The following RARB variants were observed in gnomAD, a reference collection of about 807,000 sequenced individuals.
RARB encodes retinoic acid receptor beta.
RARB carries 17 observed loss-of-function variants against 51.9 expected under a neutral mutation model. That is an observed-to-expected ratio of 0.33 (90% CI 0.22 to 0.49). The LOEUF is 0.49. Ranked by LOEUF, RARB falls within the 20% of genes least tolerant of loss-of-function variation. The probability of loss-of-function intolerance (pLI) is 0.99; values close to 1 mark genes in which losing one functional copy is unlikely to be tolerated. For synonymous variants in RARB, 215 were observed against 195.4 expected, an observed-to-expected ratio of 1.10 and a Z score of -0.84; for missense variants, 369 against 550.8, an observed-to-expected ratio of 0.67 and a Z score of 3.30.
At chr3:25,505,126 C>T (rs1447504326) in intron 3 of RARB, among the ~76,000 whole-genome samples, 1 of 152,072 alleles carries the variant, frequency 6.6e-6, no homozygotes, top group Non-Finnish European at 1.5e-5. Flanking sequence ...TCATAACAAC[C>T]CTATGAGATA....
At chr3:25,134,945 T>G (rs530916398) in intron 4 of RARB, among the ~76,000 whole-genome samples, 5 of 152,002 alleles carry the variant, frequency 3.3e-5, no homozygotes, top group African/African-American at 1.2e-4. Context: ...GTTACTAATA[T>G]ATGAAGATTA....
intron 1 of RARB, among the ~76,000 whole-genome samples, chr3:24,849,307 G>A (rs1347133286): frequency 6.6e-6 from 1 of 152,202 alleles, no homozygotes; most frequent in Admixed American, 6.5e-5. Flanking sequence ...GAGGGAAACT[G>A]CAGATAAGGG....
chr3:25,071,925 T>G (rs1258061887), intron 3 of RARB, among the ~76,000 whole-genome samples: 5 of 152,226 alleles, frequency 3.3e-5, no homozygotes, highest in Non-Finnish European at 1.5e-5. Flanking sequence ...AATGTGATAT[T>G]TAAATGCTTT....
intron 2 of RARB, among the ~76,000 whole-genome samples, chr3:24,880,130 G>T (rs1703130259): frequency 6.6e-6 from 1 of 151,904 alleles, no homozygotes; most frequent in Admixed American, 6.5e-5. Flanking sequence ...AAGCATTTTA[G>T]AATTTTTAGT....
chr3:25,117,156 C>T (rs140864065), intron 3 of RARB, among the ~76,000 whole-genome samples: 1 of 152,116 alleles, frequency 6.6e-6, no homozygotes, highest in Non-Finnish European at 1.5e-5. Flanking sequence ...ATAAACAGGG[C>T]AGATAGAGCC....
chr3:24,865,324 A>G (rs1702826251), intron 2 of RARB, among the ~76,000 whole-genome samples: 1 of 152,162 alleles, frequency 6.6e-6, no homozygotes, highest in African/African-American at 2.4e-5. Flanking sequence ...GCTGAAAAAA[A>G]TATACATGTA....
intron 5 of RARB, among the ~76,000 whole-genome samples, chr3:25,343,545 GA>G (rs1237227084): frequency 1.4e-5 from 2 of 147,252 alleles, no homozygotes; most frequent in East Asian, 2.0e-4. Context: ...CTTTTTTCCA[GA>G]AAAAAAAATT....
At chr3:25,288,013 TA>T (rs1023827147) in intron 5 of RARB, among the ~76,000 whole-genome samples, 6 of 152,116 alleles carry the variant, frequency 3.9e-5, no homozygotes, top group Admixed American at 3.3e-4. Flanking sequence ...GGTAGATTTT[TA>T]AAAATAAAGT....
Position 25,346,380 on chromosome 3 carries a change from C to G in RARB, c.179-114813C>G, listed in dbSNP as rs185086302. 1.8e-3 allele frequency among the ~76,000 whole-genome samples: 280 copies of G among 152,230 alleles called. 1 individual carries two copies. Among genetic ancestry groups the G allele is most frequent in the African/African-American group, 6.2e-3 (258 of 41,538 alleles). On this transcript the variant is annotated intron_variant, in intron 5 of 11. Transcript: ENST00000383772. ...TTGTGTCTTTTATAGTCATCAGCCCCAAATGCTTTCAGGAAGGAACTACAG... is the reference window on the plus strand; with the variant it reads ...TTGTGTCTTTTATAGTCATCAGCCCGAAATGCTTTCAGGAAGGAACTACAG...
intron 5 of RARB, among the ~76,000 whole-genome samples, chr3:25,219,970 A>G (rs1250428213): frequency 1.3e-5 from 2 of 152,218 alleles, no homozygotes; most frequent in East Asian, 3.8e-4. Flanking sequence ...GTAGAGTAAA[A>G]CACTTGAGAA....
intron 2 of RARB, among the ~76,000 whole-genome samples, chr3:25,021,942 G>A (rs542071550): frequency 4.7e-4 from 71 of 152,100 alleles, no homozygotes; most frequent in African/African-American, 1.7e-3. Context: ...ACTGAGTTAG[G>A]CACCAAGTAG....
At chr3:25,572,736 T>C (rs1286737) in intron 4 of RARB, among the ~76,000 whole-genome samples, 20,953 of 152,160 alleles carry the variant, frequency 0.14, 1,634 homozygotes, top group Non-Finnish European at 0.18. Flanking sequence ...GAGGAGACTT[T>C]TGATCCAGGT....
At chr3:25,521,241 G>A (rs759203810) in intron 3 of RARB, among the ~76,000 whole-genome samples, 4 of 152,084 alleles carry the variant, frequency 2.6e-5, no homozygotes, top group Non-Finnish European at 4.4e-5. Context: ...CTCTTGTCAC[G>A]GTAGAACTTC....
intron 5 of RARB, among the ~76,000 whole-genome samples, chr3:25,196,194 A>G (rs1049758691): frequency 6.6e-6 from 1 of 151,904 alleles, no homozygotes; most frequent in Admixed American, 6.6e-5. Flanking sequence ...TACATTAGGT[A>G]TTACTCCTAA....
chr3:25,295,658 A>G (rs1171483917), intron 5 of RARB, among the ~76,000 whole-genome samples: 4 of 152,204 alleles, frequency 2.6e-5, no homozygotes, highest in Admixed American at 6.5e-5. Context: ...TCTTTTAAGT[A>G]TTAAATGAAA....
chr3:25,489,331 G>GT (rs1696615572), intron 2 of RARB, among the ~76,000 whole-genome samples: 1 of 152,220 alleles, frequency 6.6e-6, no homozygotes, highest in Non-Finnish European at 1.5e-5. Context: ...GAATAAATCA[G>GT]TAAGTTAACA....
At chr3:25,588,166 T>C (rs1440198254) in intron 5 of RARB, among the ~76,000 whole-genome samples, 1 of 152,230 alleles carries the variant, frequency 6.6e-6, no homozygotes, top group East Asian at 1.9e-4. Flanking sequence ...TGTGAAATAC[T>C]ACACAGCAGT....
upstream of RARB, among the ~76,000 whole-genome samples, chr3:25,426,948 C>A (rs1394822549): frequency 6.6e-6 from 1 of 152,110 alleles, no homozygotes; most frequent in Non-Finnish European, 1.5e-5. Context: ...AATCATTTTC[C>A]CTTAAAATTA....
At chr3:25,025,637 T>A (rs1697731064) in intron 2 of RARB, among the ~76,000 whole-genome samples, 1 of 152,130 alleles carries the variant, frequency 6.6e-6, no homozygotes, top group African/African-American at 2.4e-5. Flanking sequence ...ATAGGGACAA[T>A]CTGGAGAGTA....
Sources: allele counts gnomAD v4.1 joint callset (sites outside exome capture counted in the v4.1 genomes callset), GRCh38; gene constraint gnomAD v4.1.1; transcripts MANE v1.5; gene names NCBI Gene and HGNC (gene_info 2026-07-23, HGNC 2026-07-21).